The following NAV3 variants were observed in gnomAD, a reference collection of about 807,000 sequenced individuals.
The protein encoded by NAV3 is pore membrane and/or filament interacting like protein 1.
NAV3 carries 87 observed loss-of-function variants against 244.7 expected under a neutral mutation model. The observed-to-expected ratio is 0.36, with a 90% CI of 0.30 to 0.42. The LOEUF (loss-of-function observed/expected upper bound fraction) is 0.42. Ranked by LOEUF, NAV3 falls within the 20% of genes least tolerant of loss-of-function variation. The pLI is 1.00. For missense variants in NAV3, 2,663 were observed against 2,893.3 expected, an observed-to-expected ratio of 0.92 and a Z score of 1.83; for synonymous variants, 1,126 against 1,042.2, an observed-to-expected ratio of 1.08 and a Z score of -1.55.
At position 78,119,849 on chromosome 12, in the gene NAV3, C is replaced by T. The variant is rs1273592826; in HGVS notation, c.3653C>T (p.Pro1218Leu). Residue 1218 changes from proline (P) to leucine (L), a missense_variant, in exon 15 of 40, where the codon CCC (proline) becomes CTC (leucine). By Grantham distance (98) the Pro-to-Leu change is moderately conservative (BLOSUM62 -3). Transcript: ENST00000397909. ...DSESVSLSGS[P>L]KSSPTSASAC... ...GAAAGTGTTTCTTTGTCAGGTTCCCCCAAATCCAGCCCCACCTCTGCCAGC... is the reference window on the plus strand; with the variant it reads ...GAAAGTGTTTCTTTGTCAGGTTCCCTCAAATCCAGCCCCACCTCTGCCAGC... 2 of 1,614,120 alleles carry T rather than the reference C, an allele frequency of 1.2e-6. No homozygotes were observed. The highest frequency in any genetic ancestry group is 2.2e-5 in the East Asian group (1 of 44,878).
intron 2 of NAV3, among the ~76,000 whole-genome samples, chr12:77,716,184 G>C (rs1164263370): frequency 6.6e-6 from 1 of 151,702 alleles, no homozygotes; most frequent in Non-Finnish European, 1.5e-5. Flanking sequence ...CTAAATAAGA[G>C]TTTAAATTAA....
intron 2 of NAV3, among the ~76,000 whole-genome samples, chr12:77,612,981 G>A (rs148550292): frequency 6.6e-6 from 1 of 152,198 alleles, no homozygotes; most frequent in Non-Finnish European, 1.5e-5. Flanking sequence ...ATGTGAAGAA[G>A]GATGTATTTA....
At chr12:78,001,751 A>G (rs944355997) in intron 7 of NAV3, among the ~76,000 whole-genome samples, 2 of 152,252 alleles carry the variant, frequency 1.3e-5, no homozygotes, top group African/African-American at 2.4e-5. Flanking sequence ...AGGCTGAAAT[A>G]GAAACGTTAC....
chr12:78,172,154 A>G (rs2139601427), intron 24 of NAV3, among the ~76,000 whole-genome samples: 2 of 151,788 alleles, frequency 1.3e-5, no homozygotes, highest in South Asian at 4.1e-4. Context: ...TTATTTTTCA[A>G]AATGTACCAT....
chr12:78,023,810 G>A (rs1173574383), intron 9 of NAV3, among the ~76,000 whole-genome samples: 1 of 152,022 alleles, frequency 6.6e-6, no homozygotes, highest in Non-Finnish European at 1.5e-5. Flanking sequence ...TTGGTTTATG[G>A]GTCACTATTA....
chr12:77,695,737 G>T (rs1875265640), intron 2 of NAV3, among the ~76,000 whole-genome samples: 1 of 152,052 alleles, frequency 6.6e-6, no homozygotes, highest in East Asian at 1.9e-4. Context: ...GAAGTATAAA[G>T]CTGTGTAAAG....
intron 15 of NAV3, among the ~76,000 whole-genome samples, chr12:78,120,305 A>C (rs1355872050): frequency 6.6e-6 from 1 of 152,182 alleles, no homozygotes; most frequent in Non-Finnish European, 1.5e-5. Flanking sequence ...TTTCACATTA[A>C]AAATTAAAAC....
intron 12 of NAV3, among the ~76,000 whole-genome samples, chr12:78,062,457 A>G (rs1036382582): frequency 3.3e-5 from 5 of 152,138 alleles, no homozygotes; most frequent in African/African-American, 1.2e-4. Context: ...ACTGAATATC[A>G]TATCTGTTCT....
chr12:77,963,803 G>A (rs185072644), intron 3 of NAV3, among the ~76,000 whole-genome samples: 99 of 151,914 alleles, frequency 6.5e-4, no homozygotes, highest in African/African-American at 2.1e-3. Flanking sequence ...ATGTATTATC[G>A]ATCATTTGTT....
chr12:78,069,588 C>T (rs1952648626), intron 12 of NAV3, among the ~76,000 whole-genome samples: 1 of 151,684 alleles, frequency 6.6e-6, no homozygotes, highest in Non-Finnish European at 1.5e-5. Flanking sequence ...GATTGCATGT[C>T]CTTCTGTTAT....
chr12:77,659,267 AAAAC>A (rs773226413), intron 2 of NAV3, among the ~76,000 whole-genome samples: 49 of 151,774 alleles, frequency 3.2e-4, no homozygotes, highest in African/African-American at 9.2e-4. Flanking sequence ...TTACAAGAAA[AAAAC>A]AAACAACCCC....
intron 2 of NAV3, among the ~76,000 whole-genome samples, chr12:77,654,754 C>T (rs951018325): frequency 4.0e-5 from 6 of 151,466 alleles, no homozygotes; most frequent in African/African-American, 1.5e-4. Context: ...TCCTCTGAGA[C>T]AAAACTTCCA....
chr12:78,180,912 G>A lies in NAV3; in HGVS notation c.5559G>A (p.Lys1853=), dbSNP rs931344392. The stretch of plus-strand genomic sequence containing the variant: ...TGAAAGCTGAAAATGACCGGTTGAA[G>A]GCAGAAACTGGTAACACAGCTAAGC... The part of the protein sequence containing the change: ...EILKAENDRL[K]AETGNTAKPT... The change falls in exon 30 of 40, where the codon AAG becomes AAA. Residue 1853 remains lysine, a synonymous_variant. Coordinates refer to ENST00000397909, the MANE Select transcript of NAV3 (RefSeq NM_001024383.2). 24 of 1,612,644 alleles carry A rather than the reference G, an allele frequency of 1.5e-5. No individual in the cohort carries two copies. The highest frequency in any genetic ancestry group is 2.2e-5 in the East Asian group (1 of 44,712).
At chr12:78,085,318 G>C (rs1043964559) in intron 12 of NAV3, among the ~76,000 whole-genome samples, 1 of 152,036 alleles carries the variant, frequency 6.6e-6, no homozygotes, top group Non-Finnish European at 1.5e-5. Context: ...CCCCTGTTTG[G>C]GATGTCTTTT....
At chr12:77,977,691 C>CAT (rs1868715264) in intron 5 of NAV3, among the ~76,000 whole-genome samples, 1 of 66,002 alleles carries the variant, frequency 1.5e-5, no homozygotes, top group African/African-American at 3.5e-5. Context: ...TATATATATA[C>CAT]ACACACACAC....
rs1351915154 is a variant in NAV3 at position 78,065,045 on chromosome 12, T to G, written c.2636+5930T>G. On this transcript the variant is annotated intron_variant, in intron 12 of 39. Coordinates refer to ENST00000397909, the MANE Select transcript of NAV3 (RefSeq NM_001024383.2). Reference sequence around the variant, plus strand: ...AAAACTTTCTTCAGTGGGAGAAAAATCTAGAAATTCACAGACATGGTTATA... The same window carrying G: ...AAAACTTTCTTCAGTGGGAGAAAAAGCTAGAAATTCACAGACATGGTTATA... Among the ~76,000 whole-genome samples, 3 of 152,020 alleles carry G rather than the reference T, an allele frequency of 2.0e-5. No individual in the cohort carries two copies. In the East Asian group the frequency reaches 5.8e-4, roughly 29 times the overall value.
intron 2 of NAV3, among the ~76,000 whole-genome samples, chr12:77,759,260 A>C (rs1028729106): frequency 1.3e-5 from 2 of 152,224 alleles, no homozygotes; most frequent in Non-Finnish European, 2.9e-5. Context: ...TCACCTGTAT[A>C]CTAGAACTGT....
chr12:77,868,087 C>G (rs1422307002), intron 1 of NAV3, among the ~76,000 whole-genome samples: 3 of 133,196 alleles, frequency 2.3e-5, no homozygotes, highest in Non-Finnish European at 5.0e-5. Flanking sequence ...TCCAGTCAAA[C>G]CTTGCTGTTT....
intron 9 of NAV3, chr12:78,037,209 G>A (rs1880047135): frequency 7.1e-6 from 5 of 702,874 alleles, no homozygotes; most frequent in Middle Eastern, 4.6e-4. Context: ...AGGTGAGAGT[G>A]ATGAAGATAG....
Sources: gnomAD v4.1 joint callset for allele counts (sites outside exome capture counted in the v4.1 genomes callset) on GRCh38, gnomAD v4.1.1 for gene constraint, MANE v1.5 for transcripts, NCBI Gene and HGNC (gene_info 2026-07-23, HGNC 2026-07-21) for gene names.